Variants in EPHB1 observed in about 807,000 individuals in gnomAD.
The protein encoded by EPHB1 is EPH receptor B1.
In EPHB1, 30 loss-of-function variants were observed where a neutral mutation model predicts 94.4. That is an observed-to-expected ratio of 0.32 (90% confidence interval 0.24 to 0.43). The LOEUF (loss-of-function observed/expected upper bound fraction) is 0.43. EPHB1 is among the 20% of genes least tolerant of loss of function. The pLI is 1.00. For missense variants in EPHB1, 1,055 were observed against 1,308.3 expected (o/e 0.81, Z 2.99); for synonymous variants, 522 against 489.1 (o/e 1.07, Z -0.89).
intron 4 of EPHB1, among the ~76,000 whole-genome samples, chr3:135,121,103 G>A (rs1196575817): frequency 6.6e-6 from 1 of 152,194 alleles, no homozygotes; most frequent in African/African-American, 2.4e-5. Context: ...TCAGTGCCTA[G>A]TATCCAAAAG....
intron 1 of EPHB1, among the ~76,000 whole-genome samples, chr3:134,826,871 G>A (rs961672991): frequency 1.3e-5 from 2 of 152,152 alleles, no homozygotes; most frequent in Non-Finnish European, 2.9e-5. Flanking sequence ...GGCACACAGT[G>A]TGAAAGATGC....
chr3:135,234,369 C>A (rs1027389416), intron 12 of EPHB1, among the ~76,000 whole-genome samples: 2 of 148,750 alleles, frequency 1.3e-5, no homozygotes, highest in African/African-American at 4.8e-5. Flanking sequence ...ACTTCGCTGT[C>A]CATATTCCTA....
intron 13 of EPHB1, among the ~76,000 whole-genome samples, chr3:135,247,279 G>T (rs1239998784): frequency 6.6e-6 from 1 of 152,132 alleles, no homozygotes; most frequent in Non-Finnish European, 1.5e-5. Context: ...GTTGGTTTTT[G>T]TTTTTTACAA....
chr3:134,944,809 G>T (rs12496766), intron 2 of EPHB1, among the ~76,000 whole-genome samples: 29,011 of 152,166 alleles, frequency 0.19, 3,486 homozygotes, highest in Middle Eastern at 0.31. Context: ...CTGGGTCAAA[G>T]GGTGTATGTA....
intron 2 of EPHB1, among the ~76,000 whole-genome samples, chr3:134,946,806 A>C (rs1322371600): frequency 6.6e-6 from 1 of 151,966 alleles, no homozygotes; most frequent in Non-Finnish European, 1.5e-5. Flanking sequence ...ACCTTCCTCC[A>C]TGATTGGAAA....
At chr3:135,155,858 G>T (rs1384401775) in intron 6 of EPHB1, among the ~76,000 whole-genome samples, 1 of 151,234 alleles carries the variant, frequency 6.6e-6, no homozygotes, top group African/African-American at 2.4e-5. Flanking sequence ...AGCAGGTTGA[G>T]GAGCGGAGGA....
At chr3:135,219,107 A>G (rs1472564507) in intron 12 of EPHB1, among the ~76,000 whole-genome samples, 1 of 152,182 alleles carries the variant, frequency 6.6e-6, no homozygotes, top group Non-Finnish European at 1.5e-5. Context: ...ACTGAGGTAG[A>G]CGTAAGCCTC....
intron 1 of EPHB1, among the ~76,000 whole-genome samples, chr3:134,890,857 A>G (rs35348873): frequency 0.24 from 35,765 of 151,716 alleles, 5,269 homozygotes; most frequent in East Asian, 0.69. Context: ...TTCTCTTTCA[A>G]TTTATCTTGT....
chr3:134,861,540 G>A lies in EPHB1; in HGVS notation c.59-64276G>A, dbSNP rs527551519. ...GCAGACGGATTTCAGAATAAGGAAAGTCATGCCAGCTTCCAGAAAAGAAAA... is the reference window on the plus strand; with the variant it reads ...GCAGACGGATTTCAGAATAAGGAAAATCATGCCAGCTTCCAGAAAAGAAAA... On this transcript the variant is annotated intron_variant, in intron 1 of 15. Transcript: ENST00000398015. Among the ~76,000 whole-genome samples the A allele has an allele frequency of 5.9e-5, 9 of 152,306 alleles. No homozygotes were observed. In the East Asian group the frequency reaches 1.7e-3, roughly 29 times the overall value.
intron 12 of EPHB1, among the ~76,000 whole-genome samples, chr3:135,223,850 A>G (rs1576480620): frequency 6.6e-6 from 1 of 152,362 alleles, no homozygotes; most frequent in Non-Finnish European, 1.5e-5. Context: ...GTTAAAACCA[A>G]TCCCTACTGA....
Position 134,813,460 on chromosome 3 carries a change from A to T in EPHB1, c.58+17771A>T, listed in dbSNP as rs114871773. Among the ~76,000 whole-genome samples, 479 of 152,250 alleles carry T rather than the reference A, an allele frequency of 3.1e-3. 3 individuals are homozygous for T. The highest frequency in any genetic ancestry group is 0.011 in the African/African-American group (456 of 41,556). ...CTTTTGGTTTGGGGCTTTCTTTTAG[A>T]GAAGAAAAGTATAATTTTTCTGCAC... On this transcript the variant is annotated intron_variant, in intron 1 of 15. Transcript: ENST00000398015.
chr3:135,098,223 T>C (rs1938880044), intron 3 of EPHB1, among the ~76,000 whole-genome samples: 1 of 152,238 alleles, frequency 6.6e-6, no homozygotes, highest in East Asian at 1.9e-4. Flanking sequence ...GATGAGAATT[T>C]CTTTGATTAC....
intron 4 of EPHB1, among the ~76,000 whole-genome samples, chr3:135,111,858 T>A (rs1027835974): frequency 1.3e-5 from 2 of 152,112 alleles, no homozygotes; most frequent in Non-Finnish European, 2.9e-5. Flanking sequence ...TTTTGTATTT[T>A]TAGTAGAGAT....
chr3:135,089,373 A>T (rs1051752690), intron 3 of EPHB1, among the ~76,000 whole-genome samples: 8 of 152,186 alleles, frequency 5.3e-5, no homozygotes, highest in African/African-American at 1.7e-4. Context: ...ATAAAATGGG[A>T]TTATTCTGAG....
At chr3:134,932,226 A>G (rs749920368) in intron 2 of EPHB1, among the ~76,000 whole-genome samples, 3 of 152,152 alleles carry the variant, frequency 2.0e-5, no homozygotes, top group Non-Finnish European at 2.9e-5. Flanking sequence ...CTAACTCCTG[A>G]TACGAGCTAC....
intron 3 of EPHB1, among the ~76,000 whole-genome samples, chr3:135,096,001 G>A (rs1938745023): frequency 6.6e-6 from 1 of 152,180 alleles, no homozygotes; most frequent in Admixed American, 6.5e-5. Flanking sequence ...CCACCAGGAT[G>A]TCAATTCCAC....
chr3:134,911,544 A>G (rs115442534), intron 1 of EPHB1, among the ~76,000 whole-genome samples: 5,016 of 152,232 alleles, frequency 0.033, 275 homozygotes, highest in African/African-American at 0.11. Context: ...GCAGTAGGCC[A>G]GCCTGGCTCT....
intron 1 of EPHB1, among the ~76,000 whole-genome samples, chr3:134,823,043 A>G (rs992005285): frequency 1.3e-5 from 2 of 152,162 alleles, no homozygotes; most frequent in African/African-American, 4.8e-5. Context: ...GGACCACAGG[A>G]CTACAGGACC....
chr3:135,121,731 G>A (rs1939968652), intron 4 of EPHB1, among the ~76,000 whole-genome samples: 1 of 152,094 alleles, frequency 6.6e-6, no homozygotes, highest in South Asian at 2.1e-4. Context: ...TCTGCTTGGG[G>A]TCTCAGGGGC....
Sources: gnomAD v4.1 joint callset for allele counts (sites outside exome capture counted in the v4.1 genomes callset) on GRCh38, gnomAD v4.1.1 for gene constraint, MANE v1.5 for transcripts, NCBI Gene and HGNC (gene_info 2026-07-23, HGNC 2026-07-21) for gene names.